The following KCNQ3 variants were observed in gnomAD, a reference collection of about 807,000 sequenced individuals.
The protein encoded by KCNQ3 is potassium voltage-gated channel subfamily Q member 3, also known as potassium voltage-gated channel subfamily KQT member 3.
In KCNQ3, 30 loss-of-function variants were observed where a neutral mutation model predicts 92.5. That is an observed-to-expected ratio of 0.32 (90% confidence interval 0.24 to 0.44). The LOEUF (loss-of-function observed/expected upper bound fraction) is 0.44. Among genes scored for constraint, KCNQ3 ranks in the 20% least tolerant of loss-of-function variants. The probability of loss-of-function intolerance (pLI) is 1.00; values close to 1 mark genes in which losing one functional copy is unlikely to be tolerated. For missense variants in KCNQ3, 913 were observed against 1,140.3 expected, an observed-to-expected ratio of 0.80 and a Z score of 2.87; for synonymous variants, 450 against 468.8, an observed-to-expected ratio of 0.96 and a Z score of 0.52.
chr8:132,375,727 T>G (rs2130745799), intron 1 of KCNQ3, among the ~76,000 whole-genome samples: 2 of 152,298 alleles, frequency 1.3e-5, no homozygotes, highest in South Asian at 4.1e-4. Context: ...TTTGCTGGGT[T>G]ACACTCTCTC....
rs115260327 is a variant in KCNQ3, at chr8:132,434,427, G to A, written c.386+45720C>T. ...GAATGTACAATCTATGAATGAAGAG[G>A]TTATTTTTTCTCTTTTGCTCACAGA... is the stretch of plus-strand genomic sequence containing the variant. On this transcript the variant is annotated intron_variant, in intron 1 of 14. Transcript: ENST00000388996. 2.3e-3 allele frequency among the ~76,000 whole-genome samples: 343 copies of A among 152,196 alleles called. 2 individuals are homozygous for A. Among genetic ancestry groups the A allele is most frequent in the African/African-American group, 7.8e-3 (325 of 41,534 alleles).
intron 1 of KCNQ3, chr8:132,321,350 A>C (rs992290718): frequency 6.6e-6 from 1 of 152,384 alleles, no homozygotes; most frequent in Non-Finnish European, 1.5e-5. Flanking sequence ...CACCCTGCTA[A>C]AACTAGGCCA....
At chr8:132,234,539 C>G (rs919766984) in intron 1 of KCNQ3, among the ~76,000 whole-genome samples, 1 of 151,938 alleles carries the variant, frequency 6.6e-6, no homozygotes, top group Non-Finnish European at 1.5e-5. Flanking sequence ...CCTGAAAAAT[C>G]TCAAAACAGA....
intron 1 of KCNQ3, among the ~76,000 whole-genome samples, chr8:132,348,076 C>CT (rs1462455065): frequency 6.6e-6 from 1 of 150,796 alleles, no homozygotes; most frequent in East Asian, 2.0e-4. Context: ...GGACAGTTCT[C>CT]TGAGTCTCTA....
chr8:132,216,326 C>T (rs773617418), intron 1 of KCNQ3, among the ~76,000 whole-genome samples: 4 of 152,202 alleles, frequency 2.6e-5, no homozygotes, highest in Non-Finnish European at 5.9e-5. Context: ...TTCTGAGGGA[C>T]ATCAGAGAGA....
chr8:132,267,698 G>C (rs990999006), intron 1 of KCNQ3, among the ~76,000 whole-genome samples: 9 of 152,140 alleles, frequency 5.9e-5, no homozygotes, highest in African/African-American at 2.2e-4. Context: ...CTGAAAGGCG[G>C]ATTCCCAGGC....
intron 1 of KCNQ3, among the ~76,000 whole-genome samples, chr8:132,243,838 T>C (rs1815070643): frequency 6.6e-6 from 1 of 152,268 alleles, no homozygotes; most frequent in Non-Finnish European, 1.5e-5. Flanking sequence ...GCAATTACCC[T>C]TGCATACAGA....
chr8:132,281,006 C>G (rs1816496163), intron 1 of KCNQ3, among the ~76,000 whole-genome samples: 1 of 152,084 alleles, frequency 6.6e-6, no homozygotes, highest in African/African-American at 2.4e-5. Context: ...ACAAAGCAAT[C>G]ATCAGGGTTA....
At chr8:132,406,200 G>C (rs142629131) in intron 1 of KCNQ3, among the ~76,000 whole-genome samples, 1 of 152,300 alleles carries the variant, frequency 6.6e-6, no homozygotes, top group East Asian at 1.9e-4. Context: ...AACAGATGTT[G>C]GGCTTGGGTG....
intron 1 of KCNQ3, among the ~76,000 whole-genome samples, chr8:132,425,379 T>G (rs908141415): frequency 6.6e-6 from 1 of 152,182 alleles, no homozygotes; most frequent in Admixed American, 6.5e-5. Flanking sequence ...ACAAGTAAAT[T>G]CTCTAAGCCT....
chr8:132,345,616 T>G (rs1298835235), intron 1 of KCNQ3, among the ~76,000 whole-genome samples: 1 of 152,236 alleles, frequency 6.6e-6, no homozygotes, highest in Non-Finnish European at 1.5e-5. Flanking sequence ...AATACTGTCT[T>G]GATAATTTCC....
intron 1 of KCNQ3, among the ~76,000 whole-genome samples, chr8:132,392,158 T>C (rs1030102698): frequency 2.6e-5 from 4 of 152,152 alleles, no homozygotes; most frequent in African/African-American, 7.2e-5. Context: ...CTGACCTAAA[T>C]TGAGTCACTT....
chr8:132,400,544 C>T (rs752942351), intron 1 of KCNQ3, among the ~76,000 whole-genome samples: 3 of 152,192 alleles, frequency 2.0e-5, no homozygotes, highest in African/African-American at 4.8e-5. Flanking sequence ...GTGATGCCAC[C>T]GCGGGTCCCT....
chr8:132,380,932 A>G (rs1263462406), intron 1 of KCNQ3, among the ~76,000 whole-genome samples: 2 of 40,372 alleles, frequency 5.0e-5, no homozygotes, highest in South Asian at 7.0e-4. Context: ...ATGAAAGCAG[A>G]AAAAAAAAAA....
Position 132,137,874 on chromosome 8 carries a change from G to C in KCNQ3, c.1700+11C>G. On this transcript the variant is annotated intron_variant, in intron 12 of 14. Coordinates refer to ENST00000388996, the MANE Select transcript of KCNQ3 (RefSeq NM_004519.4). ...AGGGGAGCGCAGTCCCTCCAGATGT[G>C]ACTGTCTCACCTCGTCTGAAGGTAC... 1 of 1,613,836 alleles carries C rather than the reference G, an allele frequency of 6.2e-7. No homozygotes were observed. Among genetic ancestry groups the C allele is most frequent in the South Asian group, 1.1e-5 (1 of 91,044 alleles).
chr8:132,380,948 A>C (rs886538963), intron 1 of KCNQ3, among the ~76,000 whole-genome samples: 3 of 150,978 alleles, frequency 2.0e-5, no homozygotes, highest in African/African-American at 7.4e-5. Context: ...AAAAAAAAAA[A>C]AAACAACCTT....
intron 1 of KCNQ3, among the ~76,000 whole-genome samples, chr8:132,435,435 G>A (rs1424056811): frequency 6.6e-6 from 1 of 152,138 alleles, no homozygotes; most frequent in Non-Finnish European, 1.5e-5. Context: ...GAGAGCTTAA[G>A]GAATCACTCA....
chr8:132,297,897 A>G (rs1276245889), intron 1 of KCNQ3, among the ~76,000 whole-genome samples: 1 of 152,262 alleles, frequency 6.6e-6, no homozygotes, highest in Non-Finnish European at 1.5e-5. Flanking sequence ...TAAGTGGTGA[A>G]AGCACTGATA....
intron 1 of KCNQ3, among the ~76,000 whole-genome samples, chr8:132,305,236 T>C (rs1298750417): frequency 6.6e-6 from 1 of 152,228 alleles, no homozygotes; most frequent in Non-Finnish European, 1.5e-5. Flanking sequence ...AAAACATTCT[T>C]AAATACCAGC....
Sources: gnomAD v4.1 joint callset for allele counts (sites outside exome capture counted in the v4.1 genomes callset) on GRCh38, gnomAD v4.1.1 for gene constraint, MANE v1.5 for transcripts, NCBI Gene and HGNC (gene_info 2026-07-23, HGNC 2026-07-21) for gene names.